OCLN: variants seen among roughly 807,000 people sequenced by gnomAD.
OCLN encodes phosphatase 1, regulatory subunit 115.
OCLN carries 21 observed loss-of-function variants against 47.9 expected under a neutral mutation model. That is an observed-to-expected ratio of 0.44 (90% confidence interval 0.31 to 0.63). The LOEUF is 0.63. OCLN is among the 30% of genes least tolerant of loss of function. The probability of loss-of-function intolerance (pLI) is 0.08; values close to 1 mark genes in which losing one functional copy is unlikely to be tolerated. For synonymous variants in OCLN, 117 were observed against 198.4 expected, an observed-to-expected ratio of 0.59 and a Z score of 3.45; for missense variants, 360 against 571.0, an observed-to-expected ratio of 0.63 and a Z score of 3.77.
chr5:69,509,758 C>T lies in OCLN; in HGVS notation c.668C>T (p.Ala223Val), dbSNP rs748970015. 2.5e-6 allele frequency: 4 copies of T among 1,614,122 alleles called. No homozygotes were observed. The highest frequency in any genetic ancestry group is 3.4e-6 in the Non-Finnish European group (4 of 1,179,980). The change falls in exon 3 of 9, where the codon GCA becomes GTA. Residue 223 changes from alanine (A) to valine (V), a missense_variant. Physicochemically the swap from Ala to Val is moderately conservative, Grantham distance 64 (BLOSUM62 0). Transcript: ENST00000396442. Reference protein sequence around the residue: ...YALCNQFYTPAATGLYVDQYL... With the variant: ...YALCNQFYTPVATGLYVDQYL... ...CTCTGCAACCAATTTTATACACCTG[C>T]AGCTACTGGACTCTACGTGGATCAG...
chr5:69,495,398 T>C (rs1485662132), intron 1 of OCLN, among the ~76,000 whole-genome samples: 1 of 152,212 alleles, frequency 6.6e-6, no homozygotes, highest in Non-Finnish European at 1.5e-5. Context: ...GGATTCTGCC[T>C]TTCTAACAGG....
chr5:69,533,012 T>TGTGTGCGC (rs1554055328), intron 4 of OCLN, among the ~76,000 whole-genome samples: 1 of 147,452 alleles, frequency 6.8e-6, no homozygotes, highest in African/African-American at 2.5e-5. Flanking sequence ...TGTGTGTGTG[T>TGTGTGCGC]GTGTGTGTGT....
At chr5:69,534,079 T>C (rs1361046625) in intron 4 of OCLN, among the ~76,000 whole-genome samples, 3 of 146,724 alleles carry the variant, frequency 2.0e-5, no homozygotes, top group Non-Finnish European at 4.5e-5. Context: ...TTGTGTAGGT[T>C]ATTAGTAATA....
chr5:69,531,986 T>A (rs1769444412), intron 4 of OCLN, among the ~76,000 whole-genome samples: 2 of 152,222 alleles, frequency 1.3e-5, no homozygotes, highest in Admixed American at 1.3e-4. Flanking sequence ...CAAATTCTTG[T>A]AAAAATTATT....
At chr5:69,525,741 C>T (rs1769261905) in intron 4 of OCLN, among the ~76,000 whole-genome samples, 1 of 152,060 alleles carries the variant, frequency 6.6e-6, no homozygotes, top group Non-Finnish European at 1.5e-5. Context: ...TCATTAGTGT[C>T]CTTTTCACAA....
intron 4 of OCLN, among the ~76,000 whole-genome samples, chr5:69,526,760 C>T (rs1769291616): frequency 6.6e-6 from 1 of 152,200 alleles, no homozygotes; most frequent in Non-Finnish European, 1.5e-5. Flanking sequence ...CTGGCAGACA[C>T]TGAAAGGCAC....
intron 1 of OCLN, among the ~76,000 whole-genome samples, chr5:69,499,741 A>T (rs1768403046): frequency 6.6e-6 from 1 of 151,912 alleles, no homozygotes; most frequent in African/African-American, 2.4e-5. Context: ...CGCGCCACCA[A>T]GCCCAGCTAA....
intron 6 of OCLN, among the ~76,000 whole-genome samples, chr5:69,547,440 A>G (rs1478846685): frequency 2.5e-4 from 30 of 118,384 alleles, no homozygotes; most frequent in East Asian, 9.0e-4. Context: ...GCGTGGTGGC[A>G]GGCACCTGTA....
Position 69,535,797 on chromosome 5 carries a change from C to A in OCLN, c.1037+958C>A, listed in dbSNP as rs1457282112. Among the ~76,000 whole-genome samples the A allele has an allele frequency of 2.6e-5, 4 of 151,212 alleles. No individual in the cohort carries two copies. The South Asian group carries it at 8.4e-4, about 32-fold the overall frequency. On this transcript the variant is annotated intron_variant, in intron 5 of 8. Transcript: ENST00000396442. Reference sequence around the variant, plus strand: ...ATACAGTGGTATTTGTATATCTAAACACAAAAAAGGTACAGTAAATATAAA... The same window carrying A: ...ATACAGTGGTATTTGTATATCTAAAAACAAAAAAGGTACAGTAAATATAAA...
In OCLN at chr5:69,493,234, C is replaced by T. The variant is rs1200893982; in HGVS notation, c.-69+334C>T. Among the ~76,000 whole-genome samples, 1 of 152,158 alleles carries T rather than the reference C, an allele frequency of 6.6e-6. No individual in the cohort carries two copies. Among genetic ancestry groups the T allele is most frequent in the Non-Finnish European group, 1.5e-5 (1 of 68,030 alleles). On this transcript the variant is annotated intron_variant, in intron 1 of 8. Transcript: ENST00000396442. This position sits in a 1 kb window ranked among gnomAD's most constrained non-coding sequence, Gnocchi z 5.3. ...GGGGCACGACATTCCTGAACAGCGA[C>T]GATCCTGCATCCGCTCTGGGGCTGC...
chr5:69,499,035 T>G, intron 1 of OCLN, among the ~76,000 whole-genome samples: 1 of 152,136 alleles, frequency 6.6e-6, no homozygotes, highest in East Asian at 1.9e-4. Context: ...GTAAATACTA[T>G]GTAGAATTGT....
intron 4 of OCLN, among the ~76,000 whole-genome samples, chr5:69,521,068 C>G (rs1214132755): frequency 2.0e-5 from 3 of 151,876 alleles, no homozygotes; most frequent in African/African-American, 7.3e-5. Context: ...AACTCCTGAC[C>G]TCAGGCGATC....
intron 3 of OCLN, among the ~76,000 whole-genome samples, chr5:69,511,444 C>T (rs944260079): frequency 1.3e-5 from 2 of 151,938 alleles, no homozygotes; most frequent in African/African-American, 2.4e-5. Flanking sequence ...GACAGAGTCT[C>T]ACTGTCACCC....
At chr5:69,549,904 G>A (rs1769816703) in intron 7 of OCLN, among the ~76,000 whole-genome samples, 1 of 149,842 alleles carries the variant, frequency 6.7e-6, no homozygotes, top group South Asian at 2.1e-4. Context: ...TCTTATTGTG[G>A]GGTTTTATCT....
At chr5:69,515,876 C>G (rs1177095090) in intron 4 of OCLN, among the ~76,000 whole-genome samples, 1 of 149,644 alleles carries the variant, frequency 6.7e-6, no homozygotes, top group Non-Finnish European at 1.5e-5. Flanking sequence ...GGGGCAGAGG[C>G]GCTCCCCACA....
At position 69,509,597 on chromosome 5, in the gene OCLN, A is replaced by G; in HGVS notation, c.507A>G (p.Arg169=). 4 of 1,614,212 alleles carry G rather than the reference A, an allele frequency of 2.5e-6. No homozygotes were observed. The highest frequency in any genetic ancestry group is 3.4e-6 in the Non-Finnish European group (4 of 1,180,028). ...TAAGATCTGAAATGTCCAGAACAAG[A>G]AGATACTACTTAAGTGTGATAATAG... is the stretch of plus-strand genomic sequence containing the variant. The part of the protein sequence containing the change: ...SVIRSEMSRT[R]RYYLSVIIVS... The change falls in exon 3 of 9, where the codon AGA becomes AGG. Residue 169 remains arginine (R), a synonymous_variant. Coordinates refer to ENST00000396442, the MANE Select transcript of OCLN (RefSeq NM_001205254.2).
rs751194309 is a variant in OCLN, at chr5:69,509,430, T to C, written c.340T>C (p.Tyr114His). The C allele has an allele frequency of 5.0e-6, 8 of 1,614,076 alleles. No homozygotes were observed. In the South Asian group the frequency reaches 8.8e-5, roughly 18 times the overall value. The change falls in exon 3 of 9, where the codon TAC becomes CAC. Residue 114 changes from tyrosine to histidine, a missense_variant. Tyr to His is a moderately conservative substitution (Grantham distance 83, BLOSUM62 2). Around this residue, in one of 3 missense-constraint regions of OCLN, gnomAD observed 314 missense variants for 368.1 expected, o/e 0.85. Transcript: ENST00000396442. ...TTATGGAGGAAGTGGCTTTGGTAGCTACGGAAGTGGCTATGGCTATGGCTA... is the reference window on the plus strand; with the variant it reads ...TTATGGAGGAAGTGGCTTTGGTAGCCACGGAAGTGGCTATGGCTATGGCTA... ...YPYGGSGFGS[Y>H]GSGYGYGYGY... is the part of the protein sequence containing the mutation.
intron 3 of OCLN, among the ~76,000 whole-genome samples, chr5:69,510,721 G>A (rs1243243485): frequency 6.6e-6 from 1 of 152,258 alleles, no homozygotes; most frequent in Non-Finnish European, 1.5e-5. Flanking sequence ...TCTTGTATAC[G>A]TTTTTGTGTG....
Position 69,549,663 on chromosome 5 carries a change from T to A in OCLN, c.1425+1562T>A, listed in dbSNP as rs1389297701. ...AATCCATCCTTTTCATACTGTATTT[T>A]GTATACATACTGAAATTAATGTAGT... On this transcript the variant is annotated intron_variant, in intron 7 of 8. Coordinates refer to ENST00000396442, the MANE Select transcript of OCLN (RefSeq NM_001205254.2). Among the ~76,000 whole-genome samples the A allele has an allele frequency of 3.3e-5, 5 of 150,974 alleles. 1 individual carries two copies. Among genetic ancestry groups the A allele is most frequent in the Non-Finnish European group, 7.4e-5 (5 of 67,586 alleles).
Sources: allele counts gnomAD v4.1 joint callset (sites outside exome capture counted in the v4.1 genomes callset), GRCh38; gene constraint gnomAD v4.1.1; regional missense constraint gnomAD v4.1.1; non-coding constraint Gnocchi (gnomAD v3.1); transcripts MANE v1.5; gene names NCBI Gene and HGNC (gene_info 2026-07-23, HGNC 2026-07-21).